The following HS6ST3 variants were observed in gnomAD, a reference collection of about 807,000 sequenced individuals.
HS6ST3 encodes the protein heparan sulfate 6-O-sulfotransferase 3, also known as heparan-sulfate 6-O-sulfotransferase 3.
HS6ST3 carries 12 observed loss-of-function variants against 36.7 expected under a neutral mutation model. The observed-to-expected ratio is 0.33, with a 90% CI of 0.21 to 0.53. The LOEUF (loss-of-function observed/expected upper bound fraction) is 0.53. Among genes scored for constraint, HS6ST3 ranks in the 20% least tolerant of loss-of-function variants. The pLI, the probability that HS6ST3 is intolerant of heterozygous loss-of-function variation, is 0.95. For missense variants in HS6ST3, 584 were observed against 640.9 expected (o/e 0.91, Z 0.96); for synonymous variants, 240 against 257.5 (o/e 0.93, Z 0.65).
intron 1 of HS6ST3, among the ~76,000 whole-genome samples, chr13:96,125,522 T>A (rs2053946223): frequency 6.6e-6 from 1 of 152,138 alleles, no homozygotes; most frequent in African/African-American, 2.4e-5. Context: ...TATTTTAAAT[T>A]TATTCTATCA....
intron 1 of HS6ST3, among the ~76,000 whole-genome samples, chr13:96,232,617 A>G (rs1209713232): frequency 6.6e-6 from 1 of 151,902 alleles, no homozygotes; most frequent in African/African-American, 2.4e-5. Flanking sequence ...TGTCAGGGGG[A>G]CAGTGGTAAT....
At position 96,464,138 on chromosome 13, in the gene HS6ST3, C is replaced by CAAAAAAAAAAAAAAAA. The variant is rs67305199; in HGVS notation, c.708-368344_708-368329dup. On this transcript the variant is annotated intron_variant, in intron 1 of 1. Coordinates refer to ENST00000376705, the MANE Select transcript of HS6ST3 (RefSeq NM_153456.4). ...TCCTCAGGAAAGGACTGTCAGGCCTCAAAAAAAAAAAAAAAAAAAAAAATC... is the reference window on the plus strand; with the variant it reads ...TCCTCAGGAAAGGACTGTCAGGCCTCAAAAAAAAAAAAAAAAAAAAAAAAAAAAAAAAAAAAAAATC... Among the ~76,000 whole-genome samples the CAAAAAAAAAAAAAAAA allele has an allele frequency of 5.2e-4, 20 of 38,790 alleles. 3 individuals are homozygous for CAAAAAAAAAAAAAAAA. The highest frequency in any genetic ancestry group is 5.5e-4 in the Non-Finnish European group (11 of 19,904). 25.4% of individuals were successfully genotyped at this position (38,790 alleles called of 152,430 possible). A position where few individuals can be genotyped will look rare whatever the true frequency, so the allele number is the denominator to read the frequency against.
chr13:96,523,679 G>C (rs930264911), intron 1 of HS6ST3, among the ~76,000 whole-genome samples: 4 of 151,896 alleles, frequency 2.6e-5, no homozygotes, highest in Admixed American at 1.3e-4. Flanking sequence ...GCTTGTGTAT[G>C]CTTCACGAAG....
At chr13:96,413,712 C>T (rs1241080946) in intron 1 of HS6ST3, among the ~76,000 whole-genome samples, 1 of 152,102 alleles carries the variant, frequency 6.6e-6, no homozygotes, top group East Asian at 1.9e-4. Flanking sequence ...GGCTTGAATG[C>T]CTATCGTGAA....
At chr13:96,618,741 C>G (rs1259684783) in intron 1 of HS6ST3, among the ~76,000 whole-genome samples, 1 of 152,188 alleles carries the variant, frequency 6.6e-6, no homozygotes, top group African/African-American at 2.4e-5. Context: ...ACTATTTCTG[C>G]CACCTTTTGT....
In HS6ST3 at chr13:96,783,170, G is replaced by A. The variant is rs140183071; in HGVS notation, c.708-49320G>A. Among the ~76,000 whole-genome samples the A allele has an allele frequency of 6.4e-4, 98 of 152,304 alleles. 2 individuals are homozygous for A. The highest frequency in any genetic ancestry group is 2.2e-3 in the African/African-American group (93 of 41,572). On this transcript the variant is annotated intron_variant, in intron 1 of 1. Transcript: ENST00000376705. The stretch of plus-strand genomic sequence containing the variant: ...TAAAAACAGAATTATGGAACTGGCT[G>A]AACCCTGACTGTCTCAATGCACTAA...
chr13:96,506,765 A>G (rs1166714423), intron 1 of HS6ST3, among the ~76,000 whole-genome samples: 2 of 152,256 alleles, frequency 1.3e-5, no homozygotes, highest in African/African-American at 2.4e-5. Flanking sequence ...GATGACTTCC[A>G]CCTGTAGCAG....
chr13:96,347,757 T>C (rs371792405), intron 1 of HS6ST3, among the ~76,000 whole-genome samples: 1 of 152,204 alleles, frequency 6.6e-6, no homozygotes, highest in East Asian at 1.9e-4. Context: ...CTTTCTTTTC[T>C]CAATCACCTA....
chr13:96,643,628 G>A (rs571549606), intron 1 of HS6ST3, among the ~76,000 whole-genome samples: 2 of 151,968 alleles, frequency 1.3e-5, no homozygotes, highest in African/African-American at 4.8e-5. Flanking sequence ...TGAGCTTTTT[G>A]TAAAGTTGAC....
chr13:96,703,441 T>C (rs920052467), intron 1 of HS6ST3, among the ~76,000 whole-genome samples: 1 of 152,150 alleles, frequency 6.6e-6, no homozygotes, highest in African/African-American at 2.4e-5. Context: ...AGAATGAAAA[T>C]AATGTTGTGC....
intron 1 of HS6ST3, among the ~76,000 whole-genome samples, chr13:96,115,385 A>G (rs2053889203): frequency 6.6e-6 from 1 of 151,938 alleles, no homozygotes; most frequent in Non-Finnish European, 1.5e-5. Flanking sequence ...CCCATTCTCT[A>G]AGTTTCCTCC....
At chr13:96,318,201 T>C (rs1043381208) in intron 1 of HS6ST3, among the ~76,000 whole-genome samples, 1 of 152,216 alleles carries the variant, frequency 6.6e-6, no homozygotes, top group African/African-American at 2.4e-5. Context: ...TTTAAATCTT[T>C]AGTCCATCTT....
At chr13:96,214,446 A>G (rs951192975) in intron 1 of HS6ST3, among the ~76,000 whole-genome samples, 8 of 152,168 alleles carry the variant, frequency 5.3e-5, no homozygotes, top group African/African-American at 1.9e-4. Context: ...TAGTCAATTC[A>G]TCTCATTATA....
chr13:96,446,155 A>G (rs1355907699), intron 1 of HS6ST3, among the ~76,000 whole-genome samples: 1 of 151,780 alleles, frequency 6.6e-6, no homozygotes, highest in East Asian at 1.9e-4. Flanking sequence ...CCTGGGCGAC[A>G]GAGCAAGACT....
intron 1 of HS6ST3, among the ~76,000 whole-genome samples, chr13:96,283,499 C>T (rs1332923809): frequency 6.6e-6 from 1 of 152,180 alleles, no homozygotes; most frequent in Admixed American, 6.5e-5. Context: ...TGGAACAATT[C>T]TGTTGCATCT....
intron 1 of HS6ST3, among the ~76,000 whole-genome samples, chr13:96,391,634 A>G (rs1205377026): frequency 6.6e-6 from 1 of 152,192 alleles, no homozygotes; most frequent in East Asian, 1.9e-4. Context: ...AGGCCTCACA[A>G]TCATGGTGGA....
intron 1 of HS6ST3, among the ~76,000 whole-genome samples, chr13:96,327,622 C>T (rs891605736): frequency 6.6e-6 from 1 of 151,608 alleles, no homozygotes; most frequent in Admixed American, 6.6e-5. Context: ...GTGATGCCTC[C>T]AGCTTTGTTC....
intron 1 of HS6ST3, among the ~76,000 whole-genome samples, chr13:96,383,645 A>AG (rs1246440585): frequency 6.6e-6 from 1 of 152,154 alleles, no homozygotes; most frequent in African/African-American, 2.4e-5. Context: ...GTTTGTGCAC[A>AG]GCCTTATAAA....
chr13:96,220,842 C>T (rs556038253), intron 1 of HS6ST3, among the ~76,000 whole-genome samples: 14 of 152,168 alleles, frequency 9.2e-5, no homozygotes, highest in African/African-American at 3.1e-4. Context: ...AGTGTTGAAG[C>T]ATCCTGTTTG....
Sources: gnomAD v4.1 joint callset for allele counts (sites outside exome capture counted in the v4.1 genomes callset) on GRCh38, gnomAD v4.1.1 for gene constraint, MANE v1.5 for transcripts, NCBI Gene and HGNC (gene_info 2026-07-23, HGNC 2026-07-21) for gene names.